The following FAM184B variants were observed in gnomAD, a reference collection of about 807,000 sequenced individuals.
FAM184B encodes family with sequence similarity 184 member B.
FAM184B carries 111 observed loss-of-function variants against 135.9 expected under a neutral mutation model. The ratio of observed to expected loss-of-function variants is 0.82; its 90% confidence interval spans 0.70 to 0.96. The LOEUF (loss-of-function observed/expected upper bound fraction) is 0.96, where lower values mean the gene tolerates loss of function less well. Ranked by LOEUF, FAM184B falls within the 40% of genes least tolerant of loss-of-function variation. FAM184B has a pLI of 0.00. For synonymous variants in FAM184B, 552 were observed against 524.8 expected (o/e 1.05, Z -0.71); for missense variants, 1,375 against 1,323.9 (o/e 1.04, Z -0.60).
chr4:17,692,336 T>C (rs1716758104), intron 6 of FAM184B, among the ~76,000 whole-genome samples: 1 of 152,076 alleles, frequency 6.6e-6, no homozygotes, highest in Non-Finnish European at 1.5e-5. Flanking sequence ...TCCCAGAACT[T>C]TTCACCAAGA....
At chr4:17,643,966 C>A (rs1293386623) in intron 12 of FAM184B, among the ~76,000 whole-genome samples, 2 of 152,244 alleles carry the variant, frequency 1.3e-5, no homozygotes, top group African/African-American at 4.8e-5. Flanking sequence ...GCCAGCTGAG[C>A]TGTCTTGACA....
intron 1 of FAM184B, among the ~76,000 whole-genome samples, chr4:17,733,940 G>T (rs895756366): frequency 6.6e-6 from 1 of 152,106 alleles, no homozygotes; most frequent in Admixed American, 6.6e-5. Flanking sequence ...ATACTACAAG[G>T]CTACAGTAAC....
At position 17,705,099 on chromosome 4, in the gene FAM184B, G is replaced by A; in HGVS notation, c.1278C>T (p.Asp426=). ...AGTCTTCTAGTCGCTTCACTAGCTG[G>A]TCTTTGAGATGTTTCTTCTCCTCTT... ...QTEEEKKHLK[D]QLVKRLEDLV... Residue 426 remains aspartate, a synonymous_variant, in exon 5 of 18, where the codon GAC becomes GAT. Transcript: ENST00000265018. The A allele has an allele frequency of 1.3e-6, 2 of 1,551,726 alleles. No homozygotes were observed. The highest frequency in any genetic ancestry group is 1.7e-6 in the Non-Finnish European group (2 of 1,146,990).
intron 8 of FAM184B, among the ~76,000 whole-genome samples, chr4:17,662,553 G>T (rs1264904433): frequency 6.6e-6 from 1 of 152,158 alleles, no homozygotes; most frequent in East Asian, 1.9e-4. Flanking sequence ...GGCCAGGCTG[G>T]TCTTGAACTC....
intron 1 of FAM184B, among the ~76,000 whole-genome samples, chr4:17,733,606 G>A (rs935618325): frequency 6.6e-6 from 1 of 152,078 alleles, no homozygotes; most frequent in Non-Finnish European, 1.5e-5. Flanking sequence ...AAAATACCTA[G>A]GAACCCAATT....
chr4:17,666,445 A>G (rs1442463341), intron 7 of FAM184B, among the ~76,000 whole-genome samples: 3 of 134,872 alleles, frequency 2.2e-5, no homozygotes, highest in Non-Finnish European at 3.1e-5. Flanking sequence ...TTGAGACTGC[A>G]GGTGCATGCC....
In FAM184B at chr4:17,730,370, A is replaced by G. The variant is rs987698215; in HGVS notation, c.142-20726T>C. Among the ~76,000 whole-genome samples, 6 of 152,214 alleles carry G rather than the reference A, an allele frequency of 3.9e-5. No homozygotes were observed. In the East Asian group the frequency reaches 9.6e-4, roughly 24 times the overall value. On this transcript the variant is annotated intron_variant, in intron 1 of 17. Coordinates refer to ENST00000265018, the MANE Select transcript of FAM184B (RefSeq NM_015688.2). The stretch of plus-strand genomic sequence containing the variant: ...GATATTATGCAGGAGAACTTCCCCA[A>G]TCTAGCAAGGCAGGCCAACATTCAG...
chr4:17,703,045 A>C (rs933045081), intron 5 of FAM184B, among the ~76,000 whole-genome samples: 22 of 152,338 alleles, frequency 1.4e-4, no homozygotes, highest in African/African-American at 4.3e-4. Flanking sequence ...GATATATAAC[A>C]TCTTTGAGCT....
intron 1 of FAM184B, among the ~76,000 whole-genome samples, chr4:17,741,948 A>C (rs1005956445): frequency 6.6e-6 from 1 of 152,154 alleles, no homozygotes; most frequent in Admixed American, 6.5e-5. Context: ...AGTTACTAAC[A>C]GTTACAATAA....
intron 2 of FAM184B, among the ~76,000 whole-genome samples, chr4:17,708,420 G>C (rs146342684): frequency 6.6e-6 from 1 of 151,620 alleles, no homozygotes; most frequent in African/African-American, 2.4e-5. Context: ...TGAAGCAGGC[G>C]GATCACCTGA....
chr4:17,709,258 C>T lies in FAM184B; in HGVS notation c.528G>A (p.Leu176=). 1.3e-6 allele frequency: 2 copies of T among 1,547,032 alleles called. No individual in the cohort carries two copies. Among genetic ancestry groups the T allele is most frequent in the Non-Finnish European group, 1.7e-6 (2 of 1,144,684 alleles). Residue 176 remains leucine, a synonymous_variant, in exon 2 of 18, where the codon CTG becomes CTA. Transcript: ENST00000265018. ...ACTTGGTTTCAGGGCTCTCCTGGGGCAGCCGGCCCTGCGGGGTAGCCTCGT... is the reference window on the plus strand; with the variant it reads ...ACTTGGTTTCAGGGCTCTCCTGGGGTAGCCGGCCCTGCGGGGTAGCCTCGT... The part of the protein sequence containing the change: ...TSHEATPQGR[L]PQESPETKSE...
chr4:17,778,274 G>A (rs541179918), intron 1 of FAM184B, among the ~76,000 whole-genome samples: 1 of 152,188 alleles, frequency 6.6e-6, no homozygotes, highest in Non-Finnish European at 1.5e-5. Context: ...AGTACCAGAA[G>A]ACAGTGGAGT....
At chr4:17,654,356 T>G (rs1715732439) in intron 10 of FAM184B, among the ~76,000 whole-genome samples, 2 of 151,794 alleles carry the variant, frequency 1.3e-5, no homozygotes, top group South Asian at 4.2e-4. Context: ...AACTCTTTTT[T>G]ATATATATAT....
chr4:17,726,080 C>G (rs973807509), intron 1 of FAM184B, among the ~76,000 whole-genome samples: 2 of 151,638 alleles, frequency 1.3e-5, no homozygotes, highest in African/African-American at 4.8e-5. Flanking sequence ...CCCGCCACCA[C>G]GCCCAGCTAA....
chr4:17,642,067 T>C lies in FAM184B; in HGVS notation c.2508A>G (p.Arg836=). Residue 836 remains arginine (R), a synonymous_variant, in exon 13 of 18, where the codon CGA becomes CGG. Coordinates refer to ENST00000265018, the MANE Select transcript of FAM184B (RefSeq NM_015688.2). ...GCCGGGTCACCCACCTGCGCTGGTC[T>C]CGGAGCTTCTGCGCCTCCTGCTGAT... is the stretch of plus-strand genomic sequence containing the variant. ...EQHQQEAQKL[R]DQRRFLEETQ... 2.0e-6 allele frequency: 3 copies of C among 1,530,906 alleles called. No homozygotes were observed. Among genetic ancestry groups the C allele is most frequent in the Non-Finnish European group, 2.6e-6 (3 of 1,144,798 alleles). The allele number at this position is 1,530,906 out of a possible 1,614,324, so 94.8% of individuals were successfully genotyped here. A position where few individuals can be genotyped will look rare whatever the true frequency, so the allele number is the denominator to read the frequency against.
intron 1 of FAM184B, among the ~76,000 whole-genome samples, chr4:17,732,255 C>G (rs1314293954): frequency 6.6e-6 from 1 of 152,114 alleles, no homozygotes; most frequent in Admixed American, 6.5e-5. Flanking sequence ...AATCGACACC[C>G]TAACGTCACA....
chr4:17,732,641 A>G (rs1245795003), intron 1 of FAM184B, among the ~76,000 whole-genome samples: 1 of 152,272 alleles, frequency 6.6e-6, no homozygotes, highest in East Asian at 1.9e-4. Flanking sequence ...AACAAGGAAG[A>G]AGTGAATCTC....
chr4:17,640,310 A>C (rs1312534704), intron 13 of FAM184B, among the ~76,000 whole-genome samples: 2 of 81,628 alleles, frequency 2.5e-5, no homozygotes, highest in African/African-American at 5.2e-5. Flanking sequence ...GTCTCTACTA[A>C]AAATACAAAA....
At chr4:17,653,733 A>T (rs1364107471) in intron 10 of FAM184B, among the ~76,000 whole-genome samples, 1 of 151,666 alleles carries the variant, frequency 6.6e-6, no homozygotes, top group African/African-American at 2.4e-5. Flanking sequence ...AACCCCTAAG[A>T]TGTCCATGTC....
Sources: gnomAD v4.1 joint callset for allele counts (sites outside exome capture counted in the v4.1 genomes callset) on GRCh38, gnomAD v4.1.1 for gene constraint, MANE v1.5 for transcripts, NCBI Gene and HGNC (gene_info 2026-07-23, HGNC 2026-07-21) for gene names.